Variants in GALNT14 observed in about 807,000 individuals in gnomAD.
The protein encoded by GALNT14 is polypeptide N-acetylgalactosaminyltransferase 14.
Under a neutral mutation model 77.5 loss-of-function variants are expected in GALNT14, and 60 were observed. The observed-to-expected ratio is 0.77, with a 90% CI of 0.63 to 0.96. The LOEUF is 0.96. Among genes scored for constraint, GALNT14 ranks in the 40% least tolerant of loss-of-function variants. The pLI, the probability that GALNT14 is intolerant of heterozygous loss-of-function variation, is 0.00. For synonymous variants in GALNT14, 280 were observed against 281.7 expected (o/e 0.99, Z 0.06); for missense variants, 710 against 731.0 (o/e 0.97, Z 0.33).
At chr2:31,019,839 A>T (rs1671605876) in intron 1 of GALNT14, among the ~76,000 whole-genome samples, 1 of 152,178 alleles carries the variant, frequency 6.6e-6, no homozygotes, top group Non-Finnish European at 1.5e-5. Context: ...TCATTGCGGG[A>T]ATTAAGTGAA....
At chr2:31,071,028 C>T (rs1675330371) in intron 1 of GALNT14, among the ~76,000 whole-genome samples, 1 of 152,162 alleles carries the variant, frequency 6.6e-6, no homozygotes, top group African/African-American at 2.4e-5. Flanking sequence ...TATGTTCTCA[C>T]TCATAAGTGG....
intron 2 of GALNT14, among the ~76,000 whole-genome samples, chr2:30,976,049 G>A (rs757728997): frequency 6.6e-6 from 1 of 152,178 alleles, no homozygotes; most frequent in Non-Finnish European, 1.5e-5. Context: ...GCATCTGAAA[G>A]AACTGTTCAA....
At chr2:30,989,204 T>C (rs946929182) in intron 2 of GALNT14, among the ~76,000 whole-genome samples, 1 of 152,128 alleles carries the variant, frequency 6.6e-6, no homozygotes, top group African/African-American at 2.4e-5. Flanking sequence ...GAAGCCTGGA[T>C]TGAGAAATGC....
chr2:30,972,787 T>A (rs1573067006), intron 2 of GALNT14, among the ~76,000 whole-genome samples: 1 of 152,128 alleles, frequency 6.6e-6, no homozygotes, highest in South Asian at 2.1e-4. Context: ...AACCAGCAGG[T>A]ACAGCGACCT....
At chr2:31,003,851 A>G (rs1428813982) in intron 1 of GALNT14, among the ~76,000 whole-genome samples, 1 of 152,252 alleles carries the variant, frequency 6.6e-6, no homozygotes, top group Non-Finnish European at 1.5e-5. Flanking sequence ...ATTTACTTAC[A>G]AATTAGCACG....
chr2:31,084,222 C>T (rs374829577), intron 1 of GALNT14, among the ~76,000 whole-genome samples: 70 of 152,270 alleles, frequency 4.6e-4, no homozygotes, highest in African/African-American at 1.3e-3. Context: ...GATAAGGAAA[C>T]GGTCTCAGAG....
At chr2:31,013,362 C>T (rs773120214) in intron 1 of GALNT14, among the ~76,000 whole-genome samples, 17 of 152,132 alleles carry the variant, frequency 1.1e-4, no homozygotes, top group South Asian at 4.1e-4. Flanking sequence ...GGGATTGACA[C>T]GAAGATGTTT....
intron 1 of GALNT14, among the ~76,000 whole-genome samples, chr2:31,122,772 T>G (rs948013623): frequency 6.6e-6 from 1 of 152,234 alleles, no homozygotes. Flanking sequence ...TATTTTCTAT[T>G]TTTATTGTAA....
At chr2:30,911,209 T>A in intron 14 of GALNT14, 150 bp from the exon 15 acceptor site, 6 of 647,630 alleles carry the variant, frequency 9.3e-6, no homozygotes, top group Non-Finnish European at 1.6e-5. Context: ...AACTAATTGC[T>A]CTACCAGGTA....
intron 13 of GALNT14, among the ~76,000 whole-genome samples, chr2:30,917,211 G>A (rs976582687): frequency 1.4e-4 from 21 of 152,060 alleles, no homozygotes; most frequent in African/African-American, 5.1e-4. Context: ...TGGAGCAGCG[G>A]CTCTCGACTC....
chr2:31,035,622 C>CCT (rs1672691014), intron 1 of GALNT14, among the ~76,000 whole-genome samples: 1 of 121,014 alleles, frequency 8.3e-6, no homozygotes, highest in South Asian at 2.7e-4. Flanking sequence ...CACACCTACA[C>CCT]ACACACACAC....
chr2:31,001,404 T>C (rs1344556806), intron 1 of GALNT14, among the ~76,000 whole-genome samples: 1 of 152,184 alleles, frequency 6.6e-6, no homozygotes, highest in Non-Finnish European at 1.5e-5. Context: ...AATGTGAGGC[T>C]GCCCTCAGGG....
chr2:30,996,397 T>G (rs1670032529), intron 1 of GALNT14, among the ~76,000 whole-genome samples: 1 of 152,206 alleles, frequency 6.6e-6, no homozygotes, highest in African/African-American at 2.4e-5. Flanking sequence ...GGAGACCAGC[T>G]GGGAAGCGGC....
intron 1 of GALNT14, among the ~76,000 whole-genome samples, chr2:31,028,974 G>A (rs990271358): frequency 3.2e-4 from 48 of 152,162 alleles, no homozygotes; most frequent in African/African-American, 1.1e-3. Flanking sequence ...GAGGGCTAGG[G>A]ATGAGAACAT....
At chr2:31,081,815 G>A (rs1676170893) in intron 1 of GALNT14, among the ~76,000 whole-genome samples, 2 of 149,622 alleles carry the variant, frequency 1.3e-5, no homozygotes, top group South Asian at 4.6e-4. Context: ...AATGAATGCA[G>A]TTTTGAAGGA....
chr2:31,027,095 TATG>T (rs1672104958), intron 1 of GALNT14, among the ~76,000 whole-genome samples: 1 of 152,198 alleles, frequency 6.6e-6, no homozygotes, highest in Non-Finnish European at 1.5e-5. Context: ...TGTATCCAGG[TATG>T]ATGAGAAACT....
chr2:30,966,717 G>C (rs1232642906), intron 2 of GALNT14, among the ~76,000 whole-genome samples: 1 of 152,076 alleles, frequency 6.6e-6, no homozygotes, highest in South Asian at 2.1e-4. Flanking sequence ...GATTCCAGTC[G>C]GCAGAGGCTT....
chr2:30,945,808 G>T lies in GALNT14; in HGVS notation c.717C>A (p.Ile239=). 6.2e-7 allele frequency: 1 copy of T among 1,614,124 alleles called. No homozygotes were observed. Among genetic ancestry groups the T allele is most frequent in the South Asian group, 1.1e-5 (1 of 91,084 alleles). ...CCCCTCTGAGCTCCGAGGCAGACTC[G>T]ATGTAGGTGAAGGTGTCCAGGTTAA... The part of the protein sequence containing the change: ...DIINLDTFTY[I]ESASELRGGF... The change falls in exon 7 of 15, where the codon ATC becomes ATA. Residue 239 remains isoleucine (I), a synonymous_variant. Transcript: ENST00000349752.
intron 13 of GALNT14, among the ~76,000 whole-genome samples, chr2:30,915,691 T>C (rs973703740): frequency 6.6e-6 from 1 of 152,198 alleles, no homozygotes; most frequent in Non-Finnish European, 1.5e-5. Context: ...TGCTGGGCCC[T>C]CTGCTGGTGG....
Sources: allele counts gnomAD v4.1 joint callset (sites outside exome capture counted in the v4.1 genomes callset), GRCh38; gene constraint gnomAD v4.1.1; transcripts MANE v1.5; gene names NCBI Gene and HGNC (gene_info 2026-07-23, HGNC 2026-07-21).